Variants in DIP2C observed in about 807,000 individuals in gnomAD.
DIP2C encodes DIP2 acetate--CoA ligase C (putative), also known as disco-interacting protein 2 homolog C.
DIP2C carries 33 observed loss-of-function variants against 192.4 expected under a neutral mutation model. That is an observed-to-expected ratio of 0.17 (90% CI 0.13 to 0.23). The LOEUF (loss-of-function observed/expected upper bound fraction) is 0.23, where lower values mean the gene tolerates loss of function less well. DIP2C is among the 10% of genes least tolerant of loss of function. The pLI is 1.00. For synonymous variants in DIP2C, 979 were observed against 864.1 expected, an observed-to-expected ratio of 1.13 and a Z score of -2.33; for missense variants, 1,537 against 2,110.1, an observed-to-expected ratio of 0.73 and a Z score of 5.32.
chr10:579,353 A>G (rs1477750010), intron 1 of DIP2C, among the ~76,000 whole-genome samples: 1 of 151,868 alleles, frequency 6.6e-6, no homozygotes, highest in African/African-American at 2.4e-5. Context: ...CACACACCCA[A>G]ATGTAGTGTA....
chr10:468,110 A>G (rs929263171), intron 3 of DIP2C, among the ~76,000 whole-genome samples: 1 of 152,186 alleles, frequency 6.6e-6, no homozygotes, highest in Non-Finnish European at 1.5e-5. Flanking sequence ...TTCAGGAGAA[A>G]GAAAAAAGCA....
At chr10:553,608 C>A (rs1411788273) in intron 1 of DIP2C, among the ~76,000 whole-genome samples, 3 of 152,222 alleles carry the variant, frequency 2.0e-5, no homozygotes, top group African/African-American at 7.2e-5. Flanking sequence ...GCATTGAATA[C>A]TGTGGAATTA....
At chr10:357,683 G>C (rs1332638373) in intron 23 of DIP2C, 145 bp downstream of exon 23, 1 of 590,760 alleles carries the variant, frequency 1.7e-6, no homozygotes, top group Non-Finnish European at 2.9e-6. Context: ...GGGACTGTCG[G>C]GGACGGTTGC....
Position 431,903 on chromosome 10 carries a change from C to CTA in DIP2C, c.395-8871_395-8870insTA, listed in dbSNP as rs1482845605. ...TAGGTTTTTTGTCCATATTCTTTAT[C>CTA]AAGTTGAGGAAGGTGACCTCTGTTC... On this transcript the variant is annotated intron_variant, in intron 4 of 36. Transcript: ENST00000280886. Among the ~76,000 whole-genome samples, 5 of 152,256 alleles carry CTA rather than the reference C, an allele frequency of 3.3e-5. No individual in the cohort carries two copies. The East Asian group carries it at 9.7e-4, about 29-fold the overall frequency.
chr10:566,419 A>C (rs950259550), intron 1 of DIP2C, among the ~76,000 whole-genome samples: 2 of 152,190 alleles, frequency 1.3e-5, no homozygotes, highest in African/African-American at 4.8e-5. Context: ...AGGCGCCACC[A>C]AACCCTGGAG....
intron 4 of DIP2C, among the ~76,000 whole-genome samples, chr10:432,712 C>T (rs1966877442): frequency 6.6e-6 from 1 of 151,988 alleles, no homozygotes; most frequent in Non-Finnish European, 1.5e-5. Flanking sequence ...ATTTAATTTG[C>T]TGTTCTTTTT....
rs536282738 is a variant in DIP2C at position 329,451 on chromosome 10, C to G, written c.3735G>C (p.Ser1245=). ...TGCTTACCTTGAGGGACTCTGTTTG[C>G]GAGCCCAGCCCCTTGGTGCACAGCT... is the stretch of plus-strand genomic sequence containing the variant. ...VMELCTKGLG[S]QTESLKARGL... is the part of the protein sequence containing the mutation. The change falls in exon 30 of 37, where the codon TCG becomes TCC. Residue 1245 remains serine, a synonymous_variant. Coordinates refer to ENST00000280886, the MANE Select transcript of DIP2C (RefSeq NM_014974.3). 5.0e-6 allele frequency: 8 copies of G among 1,613,382 alleles called. No homozygotes were observed. The South Asian group carries it at 5.5e-5, about 11-fold the overall frequency.
intron 1 of DIP2C, among the ~76,000 whole-genome samples, chr10:619,823 G>A (rs2131830324): frequency 6.6e-6 from 1 of 152,224 alleles, no homozygotes; most frequent in Admixed American, 6.5e-5. Context: ...GATAAAAATG[G>A]CAGCTCCCGT....
At chr10:667,921 C>G (rs1379820066) in intron 1 of DIP2C, 2 of 151,886 alleles carry the variant, frequency 1.3e-5, no homozygotes, top group African/African-American at 4.8e-5. Flanking sequence ...ACACATGCAA[C>G]TCACATTCAA....
intron 34 of DIP2C, among the ~76,000 whole-genome samples, chr10:284,126 G>C (rs1216762551): frequency 6.6e-6 from 1 of 152,172 alleles, no homozygotes; most frequent in Non-Finnish European, 1.5e-5. Flanking sequence ...GGAGAGGCAG[G>C]GCCTTGTAGA....
rs111884455 is a variant in DIP2C, at chr10:390,795, G to A, written c.1329C>T (p.Asp443=). The part of the protein sequence containing the change: ...SCGVTVALTS[D]ACHKGLPKSP... The stretch of plus-strand genomic sequence containing the variant: ...TTTTTGGAAGTCCTTTATGGCAGGC[G>A]TCACTAGTCAAGGCTACAGTAACTC... The change falls in exon 11 of 37, where the codon GAC becomes GAT. Residue 443 remains aspartate (D), a synonymous_variant. Transcript: ENST00000280886. 3.5e-3 allele frequency: 5,570 copies of A among 1,614,066 alleles called. 38 individuals are homozygous for A. The highest frequency in any genetic ancestry group is 0.018 in the East Asian group (786 of 44,876).
chr10:683,045 G>A (rs942484853), intron 1 of DIP2C, among the ~76,000 whole-genome samples: 3 of 152,138 alleles, frequency 2.0e-5, no homozygotes, highest in Admixed American at 6.5e-5. Flanking sequence ...TTCATGAGTC[G>A]CGCAGCACAA....
chr10:530,617 A>C (rs1274012635), intron 1 of DIP2C, among the ~76,000 whole-genome samples: 1 of 149,196 alleles, frequency 6.7e-6, no homozygotes, highest in Non-Finnish European at 1.5e-5. Context: ...CAGGAGTTCA[A>C]GATTAGCCTG....
intron 1 of DIP2C, among the ~76,000 whole-genome samples, chr10:649,249 G>A (rs957925013): frequency 2.0e-5 from 3 of 150,010 alleles, no homozygotes; most frequent in Non-Finnish European, 3.0e-5. Flanking sequence ...GATGGTGGGC[G>A]AGAACAGAGG....
intron 1 of DIP2C, among the ~76,000 whole-genome samples, chr10:526,927 G>A (rs1187381883): frequency 6.6e-6 from 1 of 152,194 alleles, no homozygotes; most frequent in East Asian, 1.9e-4. Context: ...GGTGCATCAG[G>A]CAGCAAGCAA....
chr10:430,318 C>T (rs1176394234), intron 4 of DIP2C: 1 of 152,220 alleles, frequency 6.6e-6, no homozygotes, highest in African/African-American at 2.4e-5. Context: ...CTTAGGAATT[C>T]TGACCTCCTC....
intron 29 of DIP2C, among the ~76,000 whole-genome samples, chr10:338,311 G>A (rs1028644434): frequency 6.6e-6 from 1 of 152,194 alleles, no homozygotes; most frequent in Non-Finnish European, 1.5e-5. Context: ...GGCCACAATA[G>A]TGTGCAGTCG....
At chr10:316,303 G>A (rs778928064) in intron 31 of DIP2C, among the ~76,000 whole-genome samples, 1 of 152,190 alleles carries the variant, frequency 6.6e-6, no homozygotes, top group African/African-American at 2.4e-5. Context: ...CCCCAGAAAA[G>A]AATTTACAAG....
chr10:318,321 G>C (rs774212234), intron 31 of DIP2C, among the ~76,000 whole-genome samples: 1 of 152,202 alleles, frequency 6.6e-6, no homozygotes, highest in Non-Finnish European at 1.5e-5. Context: ...GGAAGCTAGG[G>C]TGTGGGGAGA....
Sources: allele counts gnomAD v4.1 joint callset (sites outside exome capture counted in the v4.1 genomes callset), GRCh38; gene constraint gnomAD v4.1.1; transcripts MANE v1.5; gene names NCBI Gene and HGNC (gene_info 2026-07-23, HGNC 2026-07-21).